SFMBT1: variants seen among roughly 807,000 people sequenced by gnomAD.
SFMBT1 encodes the protein Scm like with four mbt domains 1.
Under a neutral mutation model 108.7 loss-of-function variants are expected in SFMBT1, and 32 were observed. The ratio of observed to expected loss-of-function variants is 0.29; its 90% CI spans 0.22 to 0.40. The LOEUF is 0.40. Ranked by LOEUF, SFMBT1 falls within the 10% of genes least tolerant of loss-of-function variation. SFMBT1 has a pLI of 1.00. For synonymous variants in SFMBT1, 348 were observed against 369.5 expected (o/e 0.94, Z 0.67); for missense variants, 816 against 1,059.6 (o/e 0.77, Z 3.19).
chr3:52,970,357 A>G (rs1283539365), intron 1 of SFMBT1, among the ~76,000 whole-genome samples: 1 of 152,194 alleles, frequency 6.6e-6, no homozygotes, highest in Non-Finnish European at 1.5e-5. Context: ...CATTTCACAT[A>G]AATGGAACCA....
intron 1 of SFMBT1, among the ~76,000 whole-genome samples, chr3:53,014,575 G>C (rs553835255): frequency 6.6e-6 from 1 of 152,328 alleles, no homozygotes; most frequent in South Asian, 2.1e-4. Context: ...ACCTATCTGA[G>C]AGCTTTTACT....
At chr3:52,934,547 C>T (rs1442102454) in intron 5 of SFMBT1, among the ~76,000 whole-genome samples, 6 of 151,874 alleles carry the variant, frequency 4.0e-5, no homozygotes. Context: ...TGAAAGCCCT[C>T]AGAAGGTCCT....
chr3:52,986,540 C>A (rs1032507664), intron 1 of SFMBT1, among the ~76,000 whole-genome samples: 10 of 151,534 alleles, frequency 6.6e-5, no homozygotes, highest in African/African-American at 9.7e-5. Flanking sequence ...CCGAGGTGGG[C>A]AGGTGACCTG....
Position 52,993,218 on chromosome 3 carries a change from T to C in SFMBT1, c.-130-23960A>G, listed in dbSNP as rs539818060. ...TTCAACCAAATCCCTATAAAAAACATGTAGTTTTTGCACTGTGTAGTCCAT... is the reference window on the plus strand; with the variant it reads ...TTCAACCAAATCCCTATAAAAAACACGTAGTTTTTGCACTGTGTAGTCCAT... On this transcript the variant is annotated intron_variant, in intron 1 of 20. Coordinates refer to ENST00000394752, the MANE Select transcript of SFMBT1 (RefSeq NM_016329.4). Among the ~76,000 whole-genome samples, 71 of 134,520 alleles carry C rather than the reference T, an allele frequency of 5.3e-4. 3 individuals are homozygous for C. The South Asian group carries it at 0.016, about 30-fold the overall frequency. 88.3% of individuals were successfully genotyped at this position (134,520 alleles called of 152,430 possible). A position where few individuals can be genotyped will look rare whatever the true frequency, so the allele number is the denominator to read the frequency against.
chr3:52,934,001 T>C (rs1264321815), intron 5 of SFMBT1, among the ~76,000 whole-genome samples: 1 of 152,106 alleles, frequency 6.6e-6, no homozygotes, highest in Non-Finnish European at 1.5e-5. Flanking sequence ...GCATAATACA[T>C]TCAACTCAAT....
chr3:52,945,135 T>TAAAAAAAAAAAAAAAAAAAAAAAA (rs1559521010), intron 3 of SFMBT1, among the ~76,000 whole-genome samples: 1 of 17,334 alleles, frequency 5.8e-5, no homozygotes, highest in Non-Finnish European at 1.7e-4. Flanking sequence ...CACCTTCCAA[T>TAAAAAAAAAAAAAAAAAAAAAAAA]TAAAAAAAAA....
intron 3 of SFMBT1, among the ~76,000 whole-genome samples, chr3:52,946,559 T>C (rs370767815): frequency 1.5e-3 from 221 of 152,368 alleles, no homozygotes; most frequent in African/African-American, 5.0e-3. Context: ...TATATGAATA[T>C]GTCACAATTT....
At position 52,930,340 on chromosome 3, in the gene SFMBT1, T is replaced by C; in HGVS notation, c.886A>G (p.Thr296Ala). The C allele has an allele frequency of 6.3e-7, 1 of 1,597,748 alleles. No homozygotes were observed. The highest frequency in any genetic ancestry group is 8.6e-7 in the Non-Finnish European group (1 of 1,165,040). The change falls in exon 8 of 21, where the codon ACA becomes GCA. Residue 296 changes from threonine (T) to alanine (A), a missense_variant. Transcript: ENST00000394752. ...PWSPFGISPA[T>A]VVKVFDEKYF... is the part of the protein sequence containing the mutation. Reference sequence around the variant, plus strand: ...TATCTCCATTTTACCTTAACAACTGTAGCAGGAGAGATCCCAAAAGGAGAC... The same window carrying C: ...TATCTCCATTTTACCTTAACAACTGCAGCAGGAGAGATCCCAAAAGGAGAC...
intron 9 of SFMBT1, among the ~76,000 whole-genome samples, chr3:52,926,726 T>C (rs138290919): frequency 6.6e-4 from 100 of 152,278 alleles, no homozygotes; most frequent in Non-Finnish European, 1.3e-3. Context: ...AGGTTCTTGA[T>C]GGAAGCATCT....
At chr3:52,976,851 A>T (rs1575414416) in intron 1 of SFMBT1, among the ~76,000 whole-genome samples, 1 of 152,220 alleles carries the variant, frequency 6.6e-6, no homozygotes. Flanking sequence ...AACATATTCA[A>T]CCTCAACAGC....
Position 52,966,145 on chromosome 3 carries a change from G to A in SFMBT1, c.28+2956C>T, listed in dbSNP as rs538185411. 1.6e-3 allele frequency among the ~76,000 whole-genome samples: 236 copies of A among 145,578 alleles called. 1 individual carries two copies. The highest frequency in any genetic ancestry group is 5.5e-3 in the African/African-American group (215 of 39,132). On this transcript the variant is annotated intron_variant, in intron 2 of 20. Coordinates refer to ENST00000394752, the MANE Select transcript of SFMBT1 (RefSeq NM_016329.4). ...ATCCTGGCTAACAGGGTGAAACCCC[G>A]TCTCTACTAAAAATACAAAAAATTT...
intron 1 of SFMBT1, among the ~76,000 whole-genome samples, chr3:53,009,080 A>C (rs777791102): frequency 2.6e-5 from 4 of 151,788 alleles, no homozygotes; most frequent in Non-Finnish European, 5.9e-5. Context: ...GTTGGAGATC[A>C]ATCTGGGCAA....
intron 1 of SFMBT1, among the ~76,000 whole-genome samples, chr3:52,972,253 T>C (rs1204874459): frequency 6.6e-6 from 1 of 152,172 alleles, no homozygotes; most frequent in Non-Finnish European, 1.5e-5. Context: ...AGGCATTAAG[T>C]GGAGAGATGC....
At chr3:53,002,197 G>C (rs1435834490) in intron 1 of SFMBT1, among the ~76,000 whole-genome samples, 1 of 149,206 alleles carries the variant, frequency 6.7e-6, no homozygotes, top group Non-Finnish European at 1.5e-5. Flanking sequence ...TTAGGAGATC[G>C]AGACCATCCT....
chr3:52,915,958 C>T (rs72961711), intron 14 of SFMBT1, among the ~76,000 whole-genome samples, 192 bp downstream of exon 14: 2,905 of 152,218 alleles, frequency 0.019, 117 homozygotes, highest in African/African-American at 0.066. Flanking sequence ...TAGAAATGGA[C>T]GGAACTATCA....
chr3:52,969,340 T>A (rs894637074), intron 1 of SFMBT1, 82 bp from the exon 2 acceptor site: 1 of 1,359,140 alleles, frequency 7.4e-7, no homozygotes, highest in African/African-American at 1.5e-5. Flanking sequence ...CTCGACTGGT[T>A]GAGAGATGAC....
At chr3:52,926,548 CTTT>C (rs909267452) in intron 9 of SFMBT1, among the ~76,000 whole-genome samples, 1 of 152,140 alleles carries the variant, frequency 6.6e-6, no homozygotes, top group Non-Finnish European at 1.5e-5. Flanking sequence ...AAGACGAAGA[CTTT>C]TTTTCTTTGT....
chr3:52,941,567 C>T (rs1310240290), intron 4 of SFMBT1, among the ~76,000 whole-genome samples: 1 of 116,586 alleles, frequency 8.6e-6, no homozygotes, highest in Non-Finnish European at 1.6e-5. Context: ...GCACTCCAGC[C>T]TGGGCAACAG....
At chr3:52,937,665 C>G (rs1703057570) in intron 4 of SFMBT1, among the ~76,000 whole-genome samples, 1 of 152,066 alleles carries the variant, frequency 6.6e-6, no homozygotes, top group South Asian at 2.1e-4. Context: ...TCACGGCAAC[C>G]TCCGCCTCCC....
Sources: allele counts gnomAD v4.1 joint callset (sites outside exome capture counted in the v4.1 genomes callset), GRCh38; gene constraint gnomAD v4.1.1; transcripts MANE v1.5; gene names NCBI Gene and HGNC (gene_info 2026-07-23, HGNC 2026-07-21).